The following FARSB variants were observed in gnomAD, a reference collection of about 807,000 sequenced individuals.
FARSB encodes the protein phenylalanyl-tRNA synthetase subunit beta.
Under a neutral mutation model 69.6 loss-of-function variants are expected in FARSB, and 40 were observed. The observed-to-expected ratio is 0.57, with a 90% CI of 0.45 to 0.75. The LOEUF (loss-of-function observed/expected upper bound fraction) is 0.75. Among genes scored for constraint, FARSB ranks in the 30% least tolerant of loss-of-function variants. The pLI, the probability that FARSB is intolerant of heterozygous loss-of-function variation, is 0.00. For missense variants in FARSB, 632 were observed against 722.9 expected (o/e 0.87, Z 1.44); for synonymous variants, 235 against 247.2 (o/e 0.95, Z 0.46).
chr2:222,601,838 AT>A (rs1237103183), intron 15 of FARSB, among the ~76,000 whole-genome samples: 1 of 151,868 alleles, frequency 6.6e-6, no homozygotes, highest in African/African-American at 2.4e-5. Flanking sequence ...TAATTTTTTA[AT>A]TTTTTGCAGA....
At position 222,593,661 on chromosome 2, in the gene FARSB, A is replaced by G. The variant is rs1179403461; in HGVS notation, c.1618+6267T>C. On this transcript the variant is annotated intron_variant, in intron 16 of 16. Transcript: ENST00000281828. ...GATCACTTGAGGCCAGGAGTTCAAG[A>G]TCAGCCTAAGCAACACAGAGAAACT... Among the ~76,000 whole-genome samples the G allele has an allele frequency of 2.6e-5, 4 of 151,372 alleles. No individual in the cohort carries two copies. The East Asian group carries it at 7.9e-4, about 30-fold the overall frequency.
intron 15 of FARSB, among the ~76,000 whole-genome samples, chr2:222,605,723 G>T (rs1005250354): frequency 6.6e-6 from 1 of 151,172 alleles, no homozygotes; most frequent in Non-Finnish European, 1.5e-5. Context: ...TTTCAGACCA[G>T]CCTGGGCAAC....
rs1464403957 is a variant in FARSB, at chr2:222,633,280, G to A, written c.634C>T (p.His212Tyr). The change falls in exon 7 of 17, where the codon CAT (histidine) becomes TAT (tyrosine). Residue 212 changes from histidine (H) to tyrosine (Y), a missense_variant. Transcript: ENST00000281828. ...KTDNHLKHYL[H>Y]IIENKPLYPV... ...TACAGGGGTTTGTTTTCAATGATATGTAAATAATGTTTCAGGTGATTGTCA... is the reference window on the plus strand; with the variant it reads ...TACAGGGGTTTGTTTTCAATGATATATAAATAATGTTTCAGGTGATTGTCA... The A allele has an allele frequency of 1.3e-6, 2 of 1,555,396 alleles. No homozygotes were observed. The highest frequency in any genetic ancestry group is 1.4e-5 in the African/African-American group (1 of 72,276).
chr2:222,582,779 G>A (rs1285387352), intron 16 of FARSB, among the ~76,000 whole-genome samples: 3 of 152,026 alleles, frequency 2.0e-5, no homozygotes, highest in Non-Finnish European at 4.4e-5. Flanking sequence ...CAAAAAATTA[G>A]TCGGGTGTGG....
At chr2:222,639,719 G>A in intron 4 of FARSB, 24 bp from the exon 5 acceptor site, 2 of 1,155,404 alleles carry the variant, frequency 1.7e-6, no homozygotes, top group East Asian at 2.5e-5. Context: ...TATCATTAGA[G>A]ATAGCAAACA....
intron 1 of FARSB, among the ~76,000 whole-genome samples, chr2:222,653,911 G>C (rs1692103730): frequency 6.6e-6 from 1 of 151,944 alleles, no homozygotes; most frequent in Admixed American, 6.6e-5. Flanking sequence ...CATCAGCCAT[G>C]TACCTGGACC....
intron 15 of FARSB, among the ~76,000 whole-genome samples, chr2:222,603,012 C>T (rs1270232381): frequency 6.6e-6 from 1 of 151,714 alleles, no homozygotes; most frequent in Non-Finnish European, 1.5e-5. Flanking sequence ...AAAAAATCAT[C>T]TAAACCTGTA....
At chr2:222,626,982 G>A (rs1691293602) in intron 10 of FARSB, among the ~76,000 whole-genome samples, 1 of 152,172 alleles carries the variant, frequency 6.6e-6, no homozygotes, top group Non-Finnish European at 1.5e-5. Context: ...CTTGCAGTGA[G>A]CCGAGATCGC....
chr2:222,646,012 G>C (rs571961426), intron 2 of FARSB, among the ~76,000 whole-genome samples: 1 of 152,208 alleles, frequency 6.6e-6, no homozygotes, highest in East Asian at 1.9e-4. Flanking sequence ...TAAAAGTACA[G>C]AGAAGAGATC....
Position 222,569,879 on chromosome 2 carries a change from T to G in FARSB, c.*1992A>C, listed in dbSNP as rs1419483103. ...CTACTATAAGTAACACTGTGAACAC[T>G]TGCATAAAAATCTTTGGCCATATGG... On this transcript the variant is annotated 3_prime_UTR_variant, in exon 17 of 17. Transcript: ENST00000281828. 6.6e-6 allele frequency among the ~76,000 whole-genome samples: 1 copy of G among 152,174 alleles called. No homozygotes were observed. Among genetic ancestry groups the G allele is most frequent in the Non-Finnish European group, 1.5e-5 (1 of 68,034 alleles).
At chr2:222,593,791 A>G (rs906398995) in intron 16 of FARSB, among the ~76,000 whole-genome samples, 2 of 152,026 alleles carry the variant, frequency 1.3e-5, no homozygotes, top group African/African-American at 2.4e-5. Flanking sequence ...GGATCACTTG[A>G]GCCTGGGAGG....
At chr2:222,649,633 A>G (rs987234013) in intron 1 of FARSB, among the ~76,000 whole-genome samples, 1 of 152,240 alleles carries the variant, frequency 6.6e-6, no homozygotes, top group African/African-American at 2.4e-5. Flanking sequence ...ATAAAATGGT[A>G]TTTCACAGCC....
chr2:222,589,187 A>G (rs1211276614), intron 16 of FARSB, among the ~76,000 whole-genome samples: 1 of 152,228 alleles, frequency 6.6e-6, no homozygotes, highest in East Asian at 1.9e-4. Flanking sequence ...GGAACAGAAC[A>G]GAGCCCTCAG....
At position 222,624,537 on chromosome 2, in the gene FARSB, T is replaced by C. The variant is rs574187554; in HGVS notation, c.963-58A>G. On this transcript the variant is annotated intron_variant, in intron 11 of 16. Coordinates refer to ENST00000281828, the MANE Select transcript of FARSB (RefSeq NM_005687.5). ...TTGGATTATTTTTTTAATGTTTACA[T>C]TGTGTTTCAACATATGCTACTAGCT... 64 of 1,241,014 alleles carry C rather than the reference T, an allele frequency of 5.2e-5. No homozygotes were observed. The African/African-American group carries it at 6.9e-4, about 13-fold the overall frequency. 76.9% of individuals were successfully genotyped at this position (1,241,014 alleles called of 1,614,324 possible).
At chr2:222,638,038 A>C (rs1691630267) in intron 5 of FARSB, among the ~76,000 whole-genome samples, 1 of 152,180 alleles carries the variant, frequency 6.6e-6, no homozygotes, top group African/African-American at 2.4e-5. Context: ...AGCCACACTG[A>C]TCAAAGGAAA....
At chr2:222,612,775 G>A (rs1287934922) in intron 15 of FARSB, among the ~76,000 whole-genome samples, 1 of 152,202 alleles carries the variant, frequency 6.6e-6, no homozygotes, top group African/African-American at 2.4e-5. Flanking sequence ...TCAGAGACTG[G>A]AGATGTGGAG....
chr2:222,603,649 AATTATATT>A (rs1690622471), intron 15 of FARSB, among the ~76,000 whole-genome samples: 1 of 146,830 alleles, frequency 6.8e-6, no homozygotes, highest in African/African-American at 2.5e-5. Context: ...TAATACGATT[AATTATATT>A]ATTATTAATA....
Position 222,566,966 on chromosome 2 carries a change from C to CAAA in FARSB, c.*4902_*4904dup. 1 of 152,222 alleles carries CAAA rather than the reference C, an allele frequency of 6.6e-6. No individual in the cohort carries two copies. The highest frequency in any genetic ancestry group is 2.1e-4 in the South Asian group (1 of 4,828). The allele number at this position is 152,222 out of a possible 1,614,324, so 9.4% of individuals were successfully genotyped here. ...TAGAATTTCAAGATCAAGGTGCCAG[C>CAAA]AAAATAGGTTTCATTCTGATCCCTC... On this transcript the variant is annotated 3_prime_UTR_variant, in exon 17 of 17. Coordinates refer to ENST00000281828, the MANE Select transcript of FARSB (RefSeq NM_005687.5).
At chr2:222,625,516 T>C (rs1055756871) in intron 10 of FARSB, among the ~76,000 whole-genome samples, 4 of 152,230 alleles carry the variant, frequency 2.6e-5, no homozygotes, top group African/African-American at 9.6e-5. Context: ...AGCACTAGCA[T>C]CACCTGAGTG....
Sources: gnomAD v4.1 joint callset for allele counts (sites outside exome capture counted in the v4.1 genomes callset) on GRCh38, gnomAD v4.1.1 for gene constraint, MANE v1.5 for transcripts, NCBI Gene and HGNC (gene_info 2026-07-23, HGNC 2026-07-21) for gene names.